Variants in GAPVD1 observed in about 807,000 individuals in gnomAD.
GAPVD1 encodes GTPase-activating protein and VPS9 domain-containing protein 1.
A neutral mutation model predicts 155.5 loss-of-function variants in GAPVD1; 35 were observed. That is an observed-to-expected ratio of 0.23 (90% confidence interval 0.17 to 0.30). The LOEUF (loss-of-function observed/expected upper bound fraction) is 0.30. Ranked by LOEUF, GAPVD1 falls within the 10% of genes least tolerant of loss-of-function variation. The probability of loss-of-function intolerance (pLI) is 1.00; values close to 1 mark genes in which losing one functional copy is unlikely to be tolerated. For missense variants in GAPVD1, 1,429 were observed against 1,775.7 expected (o/e 0.80, Z 3.51); for synonymous variants, 636 against 619.7 (o/e 1.03, Z -0.39).
intron 14 of GAPVD1, 46 bp from the exon 15 acceptor site, chr9:125,332,464 T>C: frequency 6.9e-7 from 1 of 1,453,718 alleles, no homozygotes; most frequent in Non-Finnish European, 9.4e-7. Context: ...TTTGTGTGGA[T>C]ATTTTGTTCT....
chr9:125,269,396 A>G lies in GAPVD1; in HGVS notation c.-150+412A>G, dbSNP rs76667469. ...TAAGCAAGAAGGATTTCAGTTATGTATTTTTTACACTTGAACTACCTAAAC... is the reference window on the plus strand; with the variant it reads ...TAAGCAAGAAGGATTTCAGTTATGTGTTTTTTACACTTGAACTACCTAAAC... On this transcript the variant is annotated intron_variant, in intron 2 of 27. Transcript: ENST00000297933. 1.2e-3 allele frequency among the ~76,000 whole-genome samples: 186 copies of G among 151,840 alleles called. 1 individual carries two copies. Among genetic ancestry groups the G allele is most frequent in the African/African-American group, 4.2e-3 (174 of 41,398 alleles).
chr9:125,307,341 C>A, intron 6 of GAPVD1, 72 bp from the exon 7 acceptor site: 1 of 1,035,494 alleles, frequency 9.7e-7, no homozygotes, highest in Non-Finnish European at 1.4e-6. Context: ...TCATGCTTGT[C>A]CACCTTAATG....
At chr9:125,290,994 TA>T (rs35661152) in intron 2 of GAPVD1, among the ~76,000 whole-genome samples, 491 of 115,342 alleles carry the variant, frequency 4.3e-3, no homozygotes, top group African/African-American at 6.4e-3. Context: ...TGTCTCAAAG[TA>T]AAAAAAAAAA....
intron 15 of GAPVD1, among the ~76,000 whole-genome samples, chr9:125,333,485 C>CTTTTTTTT (rs36083522): frequency 3.2e-5 from 4 of 124,358 alleles, no homozygotes; most frequent in Non-Finnish European, 5.1e-5. Flanking sequence ...TACCTTTTGT[C>CTTTTTTTT]TTTTTTTTTT....
chr9:125,361,562 G>A (rs371335831), intron 27 of GAPVD1, among the ~76,000 whole-genome samples: 7 of 151,822 alleles, frequency 4.6e-5, no homozygotes, highest in African/African-American at 1.7e-4. Context: ...CTTAGTTGGG[G>A]CTCAGTATAT....
intron 27 of GAPVD1, among the ~76,000 whole-genome samples, chr9:125,361,158 C>T (rs368784592): frequency 7.9e-5 from 12 of 152,020 alleles, no homozygotes; most frequent in South Asian, 2.1e-4. Context: ...CATGAGCCAC[C>T]GCGCCCAGCC....
intron 2 of GAPVD1, among the ~76,000 whole-genome samples, chr9:125,271,760 G>A (rs1223779234): frequency 1.3e-5 from 2 of 151,928 alleles, no homozygotes; most frequent in Admixed American, 6.6e-5. Context: ...CGTGTTAGCC[G>A]TGCTAGTCTT....
intron 23 of GAPVD1, among the ~76,000 whole-genome samples, chr9:125,354,047 A>C (rs940593854): frequency 1.3e-5 from 2 of 152,218 alleles, no homozygotes. Flanking sequence ...AGGAAAGCCT[A>C]CTTTCCTGGA....
At chr9:125,263,361 A>G (rs1348392277) in intron 1 of GAPVD1, among the ~76,000 whole-genome samples, 1 of 152,244 alleles carries the variant, frequency 6.6e-6, no homozygotes, top group Non-Finnish European at 1.5e-5. Context: ...AGGCAAGAGA[A>G]TCACTTGAGC....
chr9:125,278,835 G>GAA (rs5900648), intron 2 of GAPVD1, among the ~76,000 whole-genome samples: 1 of 143,204 alleles, frequency 7.0e-6, no homozygotes, highest in Non-Finnish European at 1.5e-5. Flanking sequence ...ATGCTGTCTG[G>GAA]AAAAAAAAAA....
chr9:125,322,911 G>A (rs1244062133), intron 10 of GAPVD1, among the ~76,000 whole-genome samples: 2 of 151,734 alleles, frequency 1.3e-5, no homozygotes, highest in East Asian at 3.9e-4. Flanking sequence ...AAATTAGCTG[G>A]GTGTGGCAGC....
intron 6 of GAPVD1, 46 bp from the exon 7 acceptor site, chr9:125,307,367 G>A: frequency 7.1e-7 from 1 of 1,412,562 alleles, no homozygotes; most frequent in South Asian, 1.5e-5. Flanking sequence ...TTTCGTTCCA[G>A]TATTTTAAAG....
intron 2 of GAPVD1, among the ~76,000 whole-genome samples, chr9:125,289,396 TG>T (rs1838239852): frequency 6.6e-6 from 1 of 152,150 alleles, no homozygotes; most frequent in Admixed American, 6.5e-5. Context: ...AGGTGAGATA[TG>T]TGGTGCTTTG....
At chr9:125,310,393 A>G (rs1351442290) in intron 8 of GAPVD1, among the ~76,000 whole-genome samples, 2 of 152,190 alleles carry the variant, frequency 1.3e-5, no homozygotes, top group Non-Finnish European at 2.9e-5. Context: ...TACAATGTGA[A>G]GTTGACTTTT....
intron 1 of GAPVD1, among the ~76,000 whole-genome samples, chr9:125,267,864 T>C (rs1834225394): frequency 6.6e-6 from 1 of 152,054 alleles, no homozygotes; most frequent in African/African-American, 2.4e-5. Context: ...TGCTAGAATT[T>C]AAAATAAACT....
intron 17 of GAPVD1, among the ~76,000 whole-genome samples, chr9:125,339,618 G>A (rs559160644): frequency 6.6e-6 from 1 of 152,288 alleles, no homozygotes; most frequent in Admixed American, 6.5e-5. Context: ...GGGAGTGTGT[G>A]TGTTACACAC....
At chr9:125,328,259 G>A (rs1845511779) in intron 12 of GAPVD1, among the ~76,000 whole-genome samples, 1 of 136,002 alleles carries the variant, frequency 7.4e-6, no homozygotes, top group Non-Finnish European at 1.6e-5. Flanking sequence ...GGGGGATTTG[G>A]CAGGGTCATG....
intron 17 of GAPVD1, 71 bp downstream of exon 17, chr9:125,337,662 T>C: frequency 7.5e-7 from 1 of 1,335,902 alleles, no homozygotes. Context: ...GAAATTAACA[T>C]GGAATATATA....
chr9:125,337,106 G>T lies in GAPVD1; in HGVS notation c.2506+11G>T. ...TGTCTTCACATGAAGGTAAACCAGT[G>T]AAATGAACTTTTTCACTTATGTCAC... On this transcript the variant is annotated intron_variant, in intron 16 of 27. Transcript: ENST00000297933. 6.2e-7 allele frequency: 1 copy of T among 1,607,790 alleles called. No individual in the cohort carries two copies. The highest frequency in any genetic ancestry group is 1.7e-5 in the Admixed American group (1 of 59,994).
Sources: gnomAD v4.1 joint callset for allele counts (sites outside exome capture counted in the v4.1 genomes callset) on GRCh38, gnomAD v4.1.1 for gene constraint, MANE v1.5 for transcripts, NCBI Gene and HGNC (gene_info 2026-07-23, HGNC 2026-07-21) for gene names.